EXOC6B: variants seen among roughly 807,000 people sequenced by gnomAD.
EXOC6B encodes the protein SEC15 homolog B.
A neutral mutation model predicts 113.5 loss-of-function variants in EXOC6B; 54 were observed. The ratio of observed to expected loss-of-function variants is 0.48; its 90% CI spans 0.38 to 0.60. EXOC6B has a LOEUF of 0.60. EXOC6B is among the 20% of genes least tolerant of loss of function. The probability of loss-of-function intolerance (pLI) is 0.00; values close to 1 mark genes in which losing one functional copy is unlikely to be tolerated. For missense variants in EXOC6B, 797 were observed against 977.5 expected (o/e 0.82, Z 2.46); for synonymous variants, 357 against 339.0 (o/e 1.05, Z -0.58).
chr2:72,451,252 T>C (rs535888851), intron 18 of EXOC6B, among the ~76,000 whole-genome samples: 112 of 152,310 alleles, frequency 7.4e-4, no homozygotes, highest in Non-Finnish European at 1.4e-3. Flanking sequence ...AAAAGGTTCA[T>C]GTCAAACTTC....
intron 11 of EXOC6B, among the ~76,000 whole-genome samples, chr2:72,505,772 G>A (rs1025970138): frequency 3.9e-5 from 6 of 152,106 alleles, no homozygotes; most frequent in African/African-American, 7.2e-5. Flanking sequence ...TCTTGAATAC[G>A]TTTTGGAGGA....
intron 19 of EXOC6B, among the ~76,000 whole-genome samples, chr2:72,367,659 G>C (rs187427948): frequency 2.7e-4 from 41 of 152,258 alleles, no homozygotes; most frequent in Admixed American, 1.6e-3. Context: ...AGACAATCTT[G>C]TATTGCTGAC....
chr2:72,493,613 T>C (rs1699879229), intron 15 of EXOC6B, among the ~76,000 whole-genome samples: 1 of 152,060 alleles, frequency 6.6e-6, no homozygotes, highest in East Asian at 1.9e-4. Flanking sequence ...CTCTCGCGTA[T>C]GTATGTGGGT....
intron 20 of EXOC6B, among the ~76,000 whole-genome samples, chr2:72,263,962 T>G (rs1000074450): frequency 2.0e-5 from 3 of 152,126 alleles, no homozygotes; most frequent in Non-Finnish European, 4.4e-5. Context: ...GCTATGAAGA[T>G]TCTGAAAGGA....
chr2:72,786,412 T>A (rs187010976), intron 1 of EXOC6B, among the ~76,000 whole-genome samples: 1 of 152,308 alleles, frequency 6.6e-6, no homozygotes, highest in East Asian at 1.9e-4. Flanking sequence ...CAAAATACTA[T>A]CCCTCCTTTC....
At chr2:72,824,740 G>T (rs1686797275) in intron 1 of EXOC6B, among the ~76,000 whole-genome samples, 1 of 152,190 alleles carries the variant, frequency 6.6e-6, no homozygotes, top group Non-Finnish European at 1.5e-5. Context: ...GGATAAGGAT[G>T]AGTTGGTTCT....
intron 18 of EXOC6B, among the ~76,000 whole-genome samples, chr2:72,432,088 G>A (rs563269881): frequency 6.6e-6 from 1 of 151,408 alleles, no homozygotes; most frequent in South Asian, 2.1e-4. Context: ...CCAGGCTGGA[G>A]TGCAACGGCA....
At chr2:72,819,158 A>G (rs2105164972) in intron 1 of EXOC6B, among the ~76,000 whole-genome samples, 1 of 152,340 alleles carries the variant, frequency 6.6e-6, no homozygotes, top group South Asian at 2.1e-4. Context: ...AAGTGACATC[A>G]TTATAATGTA....
intron 6 of EXOC6B, among the ~76,000 whole-genome samples, chr2:72,593,806 T>C (rs571255421): frequency 6.6e-6 from 1 of 152,276 alleles, no homozygotes; most frequent in South Asian, 2.1e-4. Flanking sequence ...ATTCAACAAC[T>C]TAGTTGAAAC....
intron 1 of EXOC6B, among the ~76,000 whole-genome samples, chr2:72,792,775 T>C (rs989486173): frequency 6.6e-6 from 1 of 152,152 alleles, no homozygotes; most frequent in African/African-American, 2.4e-5. Flanking sequence ...ACCAAGTATC[T>C]CTCTCCAATC....
intron 20 of EXOC6B, among the ~76,000 whole-genome samples, chr2:72,215,591 C>A (rs1421885125): frequency 6.6e-6 from 1 of 152,132 alleles, no homozygotes; most frequent in African/African-American, 2.4e-5. Flanking sequence ...GGGACATGAG[C>A]TTTTGCTTAC....
intron 18 of EXOC6B, among the ~76,000 whole-genome samples, chr2:72,394,255 T>A (rs1016399860): frequency 8.5e-5 from 13 of 152,328 alleles, no homozygotes; most frequent in African/African-American, 2.9e-4. Context: ...AGTATATCTT[T>A]TATAGTCATA....
At chr2:72,250,473 G>A (rs943203337) in intron 20 of EXOC6B, among the ~76,000 whole-genome samples, 1 of 152,038 alleles carries the variant, frequency 6.6e-6, no homozygotes, top group Admixed American at 6.6e-5. Flanking sequence ...CTCCTGAGTA[G>A]CTGGGACTAC....
intron 6 of EXOC6B, among the ~76,000 whole-genome samples, chr2:72,661,387 A>T (rs1376541369): frequency 6.6e-6 from 1 of 151,858 alleles, no homozygotes; most frequent in Non-Finnish European, 1.5e-5. Context: ...AAAAAAAAAA[A>T]ACCTACAACA....
intron 6 of EXOC6B, among the ~76,000 whole-genome samples, chr2:72,715,320 T>C (rs1679539765): frequency 6.6e-6 from 1 of 151,870 alleles, no homozygotes; most frequent in Admixed American, 6.6e-5. Flanking sequence ...AATGTAAATG[T>C]AGACACAATT....
chr2:72,326,200 G>C (rs1688119638), intron 20 of EXOC6B, among the ~76,000 whole-genome samples: 1 of 152,096 alleles, frequency 6.6e-6, no homozygotes. Flanking sequence ...AACAGCCTCT[G>C]ATACCACTGC....
At chr2:72,231,385 G>T (rs1681610574) in intron 20 of EXOC6B, among the ~76,000 whole-genome samples, 2 of 152,108 alleles carry the variant, frequency 1.3e-5, no homozygotes, top group African/African-American at 4.8e-5. Flanking sequence ...CAGTAAAGAA[G>T]AAAATGGGGG....
chr2:72,582,610 T>C (rs112023121), intron 6 of EXOC6B, among the ~76,000 whole-genome samples: 5,482 of 151,850 alleles, frequency 0.036, 355 homozygotes, highest in African/African-American at 0.12. Context: ...TCTTGGCTCA[T>C]TGCAACCTCC....
intron 6 of EXOC6B, among the ~76,000 whole-genome samples, chr2:72,579,860 A>G (rs1050212282): frequency 6.6e-6 from 1 of 152,190 alleles, no homozygotes; most frequent in Non-Finnish European, 1.5e-5. Context: ...GCCAAATATA[A>G]TTATATAGGC....
Sources: allele counts gnomAD v4.1 joint callset (sites outside exome capture counted in the v4.1 genomes callset), GRCh38; gene constraint gnomAD v4.1.1; transcripts MANE v1.5; gene names NCBI Gene and HGNC (gene_info 2026-07-23, HGNC 2026-07-21).